The following CSMD2 variants were observed in gnomAD, a reference collection of about 807,000 sequenced individuals.
CSMD2 encodes CUB and Sushi multiple domains 2, also known as CUB and sushi domain-containing protein 2.
CSMD2 carries 130 observed loss-of-function variants against 398.5 expected under a neutral mutation model. The ratio of observed to expected loss-of-function variants is 0.33; its 90% confidence interval spans 0.28 to 0.38. The LOEUF (loss-of-function observed/expected upper bound fraction) is 0.38. Among genes scored for constraint, CSMD2 ranks in the 10% least tolerant of loss-of-function variants. The pLI, the probability that CSMD2 is intolerant of heterozygous loss-of-function variation, is 1.00. For missense variants in CSMD2, 3,829 were observed against 4,764.9 expected (o/e 0.80, Z 5.78); for synonymous variants, 1,828 against 1,908.5 (o/e 0.96, Z 1.10).
At chr1:33,819,531 G>A (rs116061035) in intron 9 of CSMD2, among the ~76,000 whole-genome samples, 182 bp downstream of exon 9, 2 of 152,152 alleles carry the variant, frequency 1.3e-5, no homozygotes, top group Non-Finnish European at 2.9e-5. Flanking sequence ...TGATCCTAGC[G>A]CAGGCCTTGA....
chr1:33,530,660 T>C (rs980130858), intron 64 of CSMD2, among the ~76,000 whole-genome samples: 1 of 152,164 alleles, frequency 6.6e-6, no homozygotes, highest in Non-Finnish European at 1.5e-5. Context: ...TATTGAGGCA[T>C]TATTCATAAT....
rs1384086642 is a variant in CSMD2, at chr1:33,633,690, A to G, written c.5087-155T>C. ...GCTGCACTGGTTAGTGCAGTGGCAC[A>G]GTCTGGCAGTGGCCAGACACCCGGC... On this transcript the variant is annotated intron_variant, in intron 31 of 70. Coordinates refer to ENST00000373381, the MANE Select transcript of CSMD2 (RefSeq NM_001281956.2). This position sits in a 1 kb window ranked among gnomAD's most constrained non-coding sequence, Gnocchi z 5.0. Among the ~76,000 whole-genome samples the G allele has an allele frequency of 6.6e-6, 1 of 152,172 alleles. No homozygotes were observed. The highest frequency in any genetic ancestry group is 1.5e-5 in the Non-Finnish European group (1 of 68,018).
At chr1:33,776,500 A>C (rs1284594368) in intron 12 of CSMD2, among the ~76,000 whole-genome samples, 1 of 152,158 alleles carries the variant, frequency 6.6e-6, no homozygotes, top group East Asian at 1.9e-4. Context: ...GAATGTCTGA[A>C]GCTGTCACTC....
At chr1:33,520,012 C>G in intron 68 of CSMD2, 62 bp from the exon 69 acceptor site, 1 of 1,583,510 alleles carries the variant, frequency 6.3e-7, no homozygotes, top group East Asian at 2.2e-5. Flanking sequence ...CCGTTGGCTA[C>G]CCTCCCCGAC....
chr1:33,753,087 T>C (rs995770668), intron 13 of CSMD2, among the ~76,000 whole-genome samples: 3 of 152,150 alleles, frequency 2.0e-5, no homozygotes, highest in African/African-American at 7.2e-5. Flanking sequence ...TTTGGAAAAT[T>C]TGCAACCTGA....
rs776671119 is a variant in CSMD2, at chr1:33,727,267, GAATA to G, written c.2369-586_2369-583del. On this transcript the variant is annotated intron_variant, in intron 15 of 70. Coordinates refer to ENST00000373381, the MANE Select transcript of CSMD2 (RefSeq NM_001281956.2). ...TCAATGAGTTAATGACAGGATGAAT[GAATA>G]CAGTCCAAGGCAGGGAACTCCACAG... Among the ~76,000 whole-genome samples, 39 of 152,322 alleles carry G rather than the reference GAATA, an allele frequency of 2.6e-4. 1 individual carries two copies. The highest frequency in any genetic ancestry group is 4.1e-4 in the South Asian group (2 of 4,826).
At chr1:34,010,528 G>A (rs143147201) in intron 3 of CSMD2, among the ~76,000 whole-genome samples, 4,959 of 152,220 alleles carry the variant, frequency 0.033, 129 homozygotes, top group Non-Finnish European at 0.051. Context: ...CTGGCCCGAG[G>A]TCACAAAGGG....
At chr1:34,161,378 G>T (rs1159976517) in intron 1 of CSMD2, among the ~76,000 whole-genome samples, 1 of 152,184 alleles carries the variant, frequency 6.6e-6, no homozygotes, top group Non-Finnish European at 1.5e-5. Context: ...GTAGTGAAAG[G>T]GTTGGGCAAG....
At chr1:34,017,904 C>T (rs745754570) in intron 3 of CSMD2, among the ~76,000 whole-genome samples, 4 of 152,198 alleles carry the variant, frequency 2.6e-5, no homozygotes, top group African/African-American at 4.8e-5. Context: ...CCAACTGACA[C>T]CTCCACATAG....
rs1644853121 is a variant in CSMD2, at chr1:33,680,040, C to T, written c.4052+12890G>A. On this transcript the variant is annotated intron_variant, in intron 25 of 70. Coordinates refer to ENST00000373381, the MANE Select transcript of CSMD2 (RefSeq NM_001281956.2). ...GGTTCAAGCCATTCTCCTGTCTCAGCCTCCCGAGTAGCTGGGGCTACAGGT... is the reference window on the plus strand; with the variant it reads ...GGTTCAAGCCATTCTCCTGTCTCAGTCTCCCGAGTAGCTGGGGCTACAGGT... 3.3e-5 allele frequency among the ~76,000 whole-genome samples: 5 copies of T among 152,024 alleles called. 1 individual carries two copies. Among genetic ancestry groups the T allele is most frequent in the Admixed American group, 3.3e-4 (5 of 15,278 alleles).
At chr1:33,777,540 G>A (rs1652160591) in intron 12 of CSMD2, among the ~76,000 whole-genome samples, 1 of 152,230 alleles carries the variant, frequency 6.6e-6, no homozygotes, top group Non-Finnish European at 1.5e-5. Flanking sequence ...CTGGTCAGGT[G>A]CTGACCAAGT....
At chr1:33,944,524 A>T (rs1644782468) in intron 3 of CSMD2, among the ~76,000 whole-genome samples, 1 of 152,158 alleles carries the variant, frequency 6.6e-6, no homozygotes, top group Admixed American at 6.5e-5. Context: ...ATTCATTTTT[A>T]GTCTTTATAG....
chr1:33,609,846 G>C (rs1028385305), intron 41 of CSMD2, among the ~76,000 whole-genome samples: 1 of 152,148 alleles, frequency 6.6e-6, no homozygotes, highest in African/African-American at 2.4e-5. Flanking sequence ...TTGACTTCCT[G>C]TGACGGGTGT....
intron 12 of CSMD2, among the ~76,000 whole-genome samples, chr1:33,779,998 C>CAGTGT (rs1304098159): frequency 1.3e-5 from 2 of 152,052 alleles, no homozygotes; most frequent in African/African-American, 4.8e-5. Context: ...GCTAGAAGCT[C>CAGTGT]AGTGTAGTGG....
chr1:34,063,601 C>T (rs909037021), intron 2 of CSMD2, among the ~76,000 whole-genome samples: 7 of 152,184 alleles, frequency 4.6e-5, no homozygotes, highest in South Asian at 2.1e-4. Context: ...TGGGCAGCTC[C>T]GGCCTGTGGC....
At chr1:34,001,723 A>C (rs991036210) in intron 3 of CSMD2, among the ~76,000 whole-genome samples, 1 of 152,218 alleles carries the variant, frequency 6.6e-6, no homozygotes, top group Non-Finnish European at 1.5e-5. Context: ...AATCCTATTA[A>C]ATATGGAACT....
Position 33,515,861 on chromosome 1 carries a change from TTC to T in CSMD2, c.*761_*762del, listed in dbSNP as rs1434950554. On this transcript the variant is annotated 3_prime_UTR_variant, in exon 71 of 71. Coordinates refer to ENST00000373381, the MANE Select transcript of CSMD2 (RefSeq NM_001281956.2). ...CCTATCCTCCCCGGCTCTCCCTTCT[TTC>T]CCAGTGCTTCCCAGGACCCAAATGA... 6.6e-6 allele frequency: 1 copy of T among 152,234 alleles called. No homozygotes were observed. The highest frequency in any genetic ancestry group is 6.5e-5 in the Admixed American group (1 of 15,284). 9.4% of individuals were successfully genotyped at this position (152,234 alleles called of 1,614,324 possible). A position where few individuals can be genotyped will look rare whatever the true frequency, so the allele number is the denominator to read the frequency against.
chr1:33,550,579 G>T (rs1046923915), intron 55 of CSMD2, among the ~76,000 whole-genome samples: 1 of 152,200 alleles, frequency 6.6e-6, no homozygotes, highest in Admixed American at 6.5e-5. Flanking sequence ...TCAGCATGTA[G>T]CAGATATACA....
At chr1:33,710,571 C>T (rs1645951545) in intron 21 of CSMD2, among the ~76,000 whole-genome samples, 1 of 152,206 alleles carries the variant, frequency 6.6e-6, no homozygotes, top group African/African-American at 2.4e-5. Context: ...TTGAATCTTT[C>T]AGGCGGCTGG....
Sources: gnomAD v4.1 joint callset for allele counts (sites outside exome capture counted in the v4.1 genomes callset) on GRCh38, gnomAD v4.1.1 for gene constraint, Gnocchi (gnomAD v3.1) non-coding constraint, MANE v1.5 for transcripts, NCBI Gene and HGNC (gene_info 2026-07-23, HGNC 2026-07-21) for gene names.